The following CNTN5 variants were observed in gnomAD, a reference collection of about 807,000 sequenced individuals.
CNTN5 encodes contactin-5.
A neutral mutation model predicts 129.1 loss-of-function variants in CNTN5; 77 were observed. That is an observed-to-expected ratio of 0.60 (90% confidence interval 0.50 to 0.72). The LOEUF (loss-of-function observed/expected upper bound fraction) is 0.72. CNTN5 is among the 30% of genes least tolerant of loss of function. The pLI is 0.00. For missense variants in CNTN5, 1,478 were observed against 1,328.8 expected (o/e 1.11, Z -1.75); for synonymous variants, 509 against 465.6 (o/e 1.09, Z -1.20).
In CNTN5 at chr11:99,993,635, A is replaced by G. The variant is rs556268084; in HGVS notation, c.878-8399A>G. Among the ~76,000 whole-genome samples the G allele has an allele frequency of 3.2e-4, 49 of 152,126 alleles. 1 individual carries two copies. The highest frequency in any genetic ancestry group is 3.4e-3 in the Middle Eastern group (1 of 294). ...CTAATGCTGCCACTGATCTGACAAG[A>G]GGTGGAAGTCAGGCAGTAATGCTCA... On this transcript the variant is annotated intron_variant, in intron 8 of 24. Transcript: ENST00000524871.
rs184460799 is a variant in CNTN5, at chr11:99,529,830, G to A, written c.-70-26315G>A. Among the ~76,000 whole-genome samples, 402 of 152,194 alleles carry A rather than the reference G, an allele frequency of 2.6e-3. 2 individuals carry two copies. Among genetic ancestry groups the A allele is most frequent in the Non-Finnish European group, 3.7e-3 (249 of 68,024 alleles). On this transcript the variant is annotated intron_variant, in intron 2 of 24. Transcript: ENST00000524871. ...TGGAAAACACTGTAATTAACATGGA[G>A]TGGAGTATGGAAAAGAAAAAATATG...
chr11:99,910,124 A>T (rs945778071), intron 6 of CNTN5, among the ~76,000 whole-genome samples: 1 of 136,508 alleles, frequency 7.3e-6, no homozygotes, highest in African/African-American at 2.5e-5. Flanking sequence ...TGAAAACTCA[A>T]ATCTTTTCTG....
chr11:99,442,283 C>A (rs1436764330), intron 2 of CNTN5, among the ~76,000 whole-genome samples: 3 of 152,160 alleles, frequency 2.0e-5, no homozygotes, highest in Non-Finnish European at 4.4e-5. Context: ...GATTCTCCCT[C>A]CTCAGACTCC....
chr11:99,448,860 C>G (rs903169130), intron 2 of CNTN5, among the ~76,000 whole-genome samples: 1 of 150,570 alleles, frequency 6.6e-6, no homozygotes. Context: ...TCATTGCAGC[C>G]TCTGTCTCCT....
At chr11:99,372,011 G>T (rs1448156338) in intron 2 of CNTN5, among the ~76,000 whole-genome samples, 1 of 152,178 alleles carries the variant, frequency 6.6e-6, no homozygotes, top group Non-Finnish European at 1.5e-5. Flanking sequence ...GACAATACAA[G>T]TGGAGCGAAA....
chr11:99,053,431 T>A (rs1258966936), intron 1 of CNTN5, among the ~76,000 whole-genome samples: 1 of 151,934 alleles, frequency 6.6e-6, no homozygotes, highest in Non-Finnish European at 1.5e-5. Flanking sequence ...GATCTTCTTA[T>A]TCTGTCTTTT....
At chr11:99,323,274 C>G (rs1865643497) in intron 1 of CNTN5, among the ~76,000 whole-genome samples, 1 of 152,092 alleles carries the variant, frequency 6.6e-6, no homozygotes, top group African/African-American at 2.4e-5. Flanking sequence ...AGAAGTCTGA[C>G]TCTGACTGCA....
chr11:100,346,179 T>C (rs537878312), intron 23 of CNTN5, among the ~76,000 whole-genome samples: 10 of 152,278 alleles, frequency 6.6e-5, no homozygotes, highest in South Asian at 6.2e-4. Context: ...AATAAATGTT[T>C]TTAAACAAAT....
chr11:99,713,384 A>G (rs376545487), intron 3 of CNTN5, among the ~76,000 whole-genome samples: 1 of 152,064 alleles, frequency 6.6e-6, no homozygotes, highest in South Asian at 2.1e-4. Flanking sequence ...TATCAGCTTA[A>G]GGAGATTTTG....
At chr11:99,142,370 G>A (rs1322931225) in intron 1 of CNTN5, among the ~76,000 whole-genome samples, 1 of 152,124 alleles carries the variant, frequency 6.6e-6, no homozygotes, top group East Asian at 1.9e-4. Flanking sequence ...GCAGGTGAGT[G>A]CATGCCGGCA....
intron 8 of CNTN5, among the ~76,000 whole-genome samples, chr11:99,982,863 G>A (rs142256945): frequency 1.3e-5 from 2 of 152,056 alleles, no homozygotes; most frequent in Non-Finnish European, 2.9e-5. Context: ...GGATGGTCTC[G>A]ATCTCCTGAC....
chr11:100,002,466 T>C (rs1001293923), intron 9 of CNTN5, among the ~76,000 whole-genome samples: 2 of 152,160 alleles, frequency 1.3e-5, no homozygotes, highest in African/African-American at 4.8e-5. Flanking sequence ...ATAAAGAAGA[T>C]AGAAAGGCAA....
chr11:99,844,803 A>G, intron 4 of CNTN5, 49 bp from the exon 5 acceptor site: 1 of 1,552,504 alleles, frequency 6.4e-7, no homozygotes, highest in Non-Finnish European at 8.7e-7. Flanking sequence ...AACACAAAAT[A>G]TCTTGCTAGT....
chr11:99,174,352 C>CA (rs1857675204), intron 1 of CNTN5, among the ~76,000 whole-genome samples: 1 of 152,048 alleles, frequency 6.6e-6, no homozygotes, highest in Non-Finnish European at 1.5e-5. Flanking sequence ...TCTTTCTCTC[C>CA]AATTAGACTT....
intron 3 of CNTN5, among the ~76,000 whole-genome samples, chr11:99,624,416 G>A (rs639161): frequency 0.61 from 92,316 of 151,340 alleles, 28,999 homozygotes; most frequent in Admixed American, 0.74. Context: ...CTTAGCTACT[G>A]ATAATTTACA....
rs59930760 is a variant in CNTN5, at chr11:100,161,830, T to TACACATACACACACACACACACAC, written c.1581-29291_1581-29290insTACACACACACACACACACACACA. On this transcript the variant is annotated intron_variant, in intron 13 of 24. Transcript: ENST00000524871. ...TCTCAAGGATAGCCCTGGAGCTTCCTACACACACACACACACACACACACA... is the reference window on the plus strand; with the variant it reads ...TCTCAAGGATAGCCCTGGAGCTTCCTACACATACACACACACACACACACACACACACACACACACACACACACA... Among the ~76,000 whole-genome samples the TACACATACACACACACACACACAC allele has an allele frequency of 1.2e-3, 149 of 125,878 alleles. 3 individuals carry two copies. The highest frequency in any genetic ancestry group is 4.8e-3 in the African/African-American group (143 of 29,652). 82.6% of individuals were successfully genotyped at this position (125,878 alleles called of 152,430 possible). A position where few individuals can be genotyped will look rare whatever the true frequency, so the allele number is the denominator to read the frequency against.
intron 6 of CNTN5, among the ~76,000 whole-genome samples, chr11:99,903,868 A>G (rs1053953331): frequency 2.6e-5 from 4 of 152,190 alleles, no homozygotes; most frequent in African/African-American, 9.6e-5. Context: ...TGAGCTGAAT[A>G]GATACCTATC....
At chr11:100,209,386 A>G (rs1363614438) in intron 15 of CNTN5, among the ~76,000 whole-genome samples, 3 of 152,184 alleles carry the variant, frequency 2.0e-5, no homozygotes, top group African/African-American at 7.2e-5. Context: ...CCACTATTTG[A>G]ATGGATCCTT....
chr11:99,264,450 CG>C (rs1862792339), intron 1 of CNTN5, among the ~76,000 whole-genome samples: 1 of 151,950 alleles, frequency 6.6e-6, no homozygotes, highest in Admixed American at 6.6e-5. Flanking sequence ...TTACCATCCT[CG>C]GATTGTGAGA....
Sources: allele counts gnomAD v4.1 joint callset (sites outside exome capture counted in the v4.1 genomes callset), GRCh38; gene constraint gnomAD v4.1.1; transcripts MANE v1.5; gene names NCBI Gene and HGNC (gene_info 2026-07-23, HGNC 2026-07-21).